The following GLYATL2 variants were observed in gnomAD, a reference collection of about 807,000 sequenced individuals.
The protein encoded by GLYATL2 is glycine N-acyltransferase-like protein 2.
GLYATL2 carries 25 observed loss-of-function variants against 21.4 expected under a neutral mutation model. The ratio of observed to expected loss-of-function variants is 1.17; its 90% CI spans 0.85 to 1.63. GLYATL2 has a LOEUF of 1.63. GLYATL2 is among the 40% of genes most tolerant of loss of function. GLYATL2 has a pLI of 0.00. For missense variants in GLYATL2, 361 were observed against 343.3 expected (o/e 1.05, Z -0.41); for synonymous variants, 114 against 118.2 (o/e 0.96, Z 0.23).
rs745546178 is a variant in GLYATL2, at chr11:58,838,331, G to A, written c.116C>T (p.Pro39Leu). The A allele has an allele frequency of 6.2e-7, 1 of 1,613,196 alleles. No individual in the cohort carries two copies. The highest frequency in any genetic ancestry group is 8.5e-7 in the Non-Finnish European group (1 of 1,179,356). The change falls in exon 3 of 6, where the codon CCT becomes CTT. Residue 39 changes from proline (P) to leucine (L), a missense_variant. Pro to Leu is a moderately conservative substitution (Grantham distance 98, BLOSUM62 -3). Transcript: ENST00000287275. ...GAIFNIKDKN[P>L]FNMEVLVDAW... ...ATCTACCAGCACCTCCATGTTGAAAGGGTTTTTATCTTTTATGTTGAAAAT... is the reference window on the plus strand; with the variant it reads ...ATCTACCAGCACCTCCATGTTGAAAAGGTTTTTATCTTTTATGTTGAAAAT...
intron 1 of GLYATL2, among the ~76,000 whole-genome samples, chr11:58,866,585 C>T (rs1854026726): frequency 6.7e-6 from 1 of 148,806 alleles, no homozygotes; most frequent in African/African-American, 2.4e-5. Context: ...AATCCTAGGT[C>T]CCAGTGTCCA....
chr11:58,867,089 G>A lies in GLYATL2; in HGVS notation n.61-28721C>T, dbSNP rs775313314. On this transcript the variant is annotated intron_variant and non_coding_transcript_variant, in intron 1 of 4. Coordinates refer to the GLYATL2 transcript ENST00000533636. ...GCCTCCCACAGACACTCAGCCATGC[G>A]GTTCCCATTCCCTGCCATGAGCAAG... Among the ~76,000 whole-genome samples the A allele has an allele frequency of 1.5e-4, 23 of 148,960 alleles. 2 individuals are homozygous for A. Among genetic ancestry groups the A allele is most frequent in the African/African-American group, 5.6e-4 (23 of 41,216 alleles).
At chr11:58,900,502 CG>C (rs1464403000) in intron 1 of GLYATL2, among the ~76,000 whole-genome samples, 2 of 152,180 alleles carry the variant, frequency 1.3e-5, no homozygotes, top group East Asian at 3.9e-4. Flanking sequence ...GGCAGCTCCC[CG>C]CTGTCAGCAC....
chr11:58,858,410 T>C (rs1409465852), intron 1 of GLYATL2, among the ~76,000 whole-genome samples: 1 of 152,150 alleles, frequency 6.6e-6, no homozygotes, highest in Non-Finnish European at 1.5e-5. Flanking sequence ...ATTTAGATAA[T>C]GCTTTGTTAT....
At chr11:58,850,620 A>AGATG (rs1185840657) in intron 1 of GLYATL2, among the ~76,000 whole-genome samples, 111 of 152,260 alleles carry the variant, frequency 7.3e-4, no homozygotes, top group African/African-American at 2.5e-3. Context: ...CAGGGCCACT[A>AGATG]GATGGCTCCT....
At chr11:58,897,514 C>T (rs1854654767) in intron 1 of GLYATL2, among the ~76,000 whole-genome samples, 2 of 152,148 alleles carry the variant, frequency 1.3e-5, no homozygotes, top group Non-Finnish European at 2.9e-5. Context: ...CCACTAGCAG[C>T]CATCTCCAAA....
upstream of GLYATL2, among the ~76,000 whole-genome samples, chr11:58,849,375 C>G (rs890157053): frequency 3.3e-5 from 5 of 152,114 alleles, no homozygotes; most frequent in Non-Finnish European, 5.9e-5. Flanking sequence ...CTACCTTGGC[C>G]TCCCAAAGTG....
At chr11:58,875,607 A>G (rs996512731) in intron 1 of GLYATL2, among the ~76,000 whole-genome samples, 19 of 152,148 alleles carry the variant, frequency 1.2e-4, no homozygotes, top group Admixed American at 5.2e-4. Context: ...TAAGAATGTT[A>G]AATATTGGCC....
chr11:58,837,121 G>T lies in GLYATL2; in HGVS notation c.370C>A (p.Gln124Lys). 6.2e-7 allele frequency: 1 copy of T among 1,613,872 alleles called. No individual in the cohort carries two copies. Among genetic ancestry groups the T allele is most frequent in the Non-Finnish European group, 8.5e-7 (1 of 1,179,836 alleles). The part of the protein sequence containing the change: ...IRKVATSKSV[Q>K]VDYMKTILFI... ...AGGATGGTTTTCATGTAATCTACCT[G>T]CACTGATTTTGAAGTTGCAACCTTT... is the stretch of plus-strand genomic sequence containing the variant. The change falls in exon 5 of 6, where the codon CAG becomes AAG. Residue 124 changes from glutamine to lysine, a missense_variant. By Grantham distance (53) the Gln-to-Lys change is moderately conservative. Coordinates refer to ENST00000287275, the MANE Select transcript of GLYATL2 (RefSeq NM_145016.4).
At chr11:58,909,615 A>G in the GLYATL2 span, among the ~76,000 whole-genome samples, 1 of 152,206 alleles carries the variant, frequency 6.6e-6, no homozygotes, top group Non-Finnish European at 1.5e-5. Context: ...TGGCCTGAAT[A>G]AAGTCATGTA....
At chr11:58,871,797 C>T (rs1265700248) in intron 1 of GLYATL2, among the ~76,000 whole-genome samples, 1 of 151,980 alleles carries the variant, frequency 6.6e-6, no homozygotes, top group African/African-American at 2.4e-5. Flanking sequence ...GGGTATATAC[C>T]CAGTAATGGG....
rs566012959 is a variant in GLYATL2, at chr11:58,861,118, G to C, written n.61-22750C>G. On this transcript the variant is annotated intron_variant and non_coding_transcript_variant, in intron 1 of 4. Transcript: ENST00000533636. ...ACAACAACTTTGTAAAATAACTTTGGAAGTATTCCCTCTTGTTCGATTTCT... is the reference window on the plus strand; with the variant it reads ...ACAACAACTTTGTAAAATAACTTTGCAAGTATTCCCTCTTGTTCGATTTCT... Among the ~76,000 whole-genome samples the C allele has an allele frequency of 1.6e-4, 25 of 152,080 alleles. No individual in the cohort carries two copies. In the South Asian group the frequency reaches 5.0e-3, roughly 30 times the overall value.
At chr11:58,847,865 A>G (rs1853670777), upstream of GLYATL2, among the ~76,000 whole-genome samples, 1 of 152,148 alleles carries the variant, frequency 6.6e-6, no homozygotes, top group South Asian at 2.1e-4. Flanking sequence ...GAGTGATTAC[A>G]GCAGGCCTTG....
intron 1 of GLYATL2, among the ~76,000 whole-genome samples, chr11:58,899,285 T>C (rs553082653): frequency 6.6e-6 from 1 of 152,170 alleles, no homozygotes; most frequent in African/African-American, 2.4e-5. Flanking sequence ...TTTCAGGATG[T>C]ACAGGGCAAA....
intron 1 of GLYATL2, among the ~76,000 whole-genome samples, chr11:58,876,317 G>C (rs1854231553): frequency 6.6e-6 from 1 of 152,190 alleles, no homozygotes; most frequent in Non-Finnish European, 1.5e-5. Flanking sequence ...GTCCAGCTTT[G>C]TCCCATTGCT....
intron 1 of GLYATL2, among the ~76,000 whole-genome samples, chr11:58,900,843 CA>C (rs1854725529): frequency 1.3e-5 from 2 of 150,812 alleles, no homozygotes; most frequent in Non-Finnish European, 2.9e-5. Context: ...CATTGGCTTT[CA>C]TTGATGTCAA....
intron 1 of GLYATL2, among the ~76,000 whole-genome samples, chr11:58,900,797 G>A (rs2187268): frequency 0.78 from 117,368 of 150,136 alleles, 46,423 homozygotes; most frequent in Non-Finnish European, 0.87. Context: ...TGGGAAGCTT[G>A]GGGGGGTGGT....
intron 1 of GLYATL2, among the ~76,000 whole-genome samples, chr11:58,843,268 T>C (rs1302306306): frequency 6.6e-6 from 1 of 152,072 alleles, no homozygotes; most frequent in Non-Finnish European, 1.5e-5. Context: ...TAGCAGTAAG[T>C]GGGTGAGGGA....
At chr11:58,870,141 C>A (rs1055658577) in intron 1 of GLYATL2, among the ~76,000 whole-genome samples, 27 of 152,006 alleles carry the variant, frequency 1.8e-4, no homozygotes, top group East Asian at 7.7e-4. Context: ...GACAATGGGG[C>A]ACAGGAGCAT....
Sources: gnomAD v4.1 joint callset for allele counts (sites outside exome capture counted in the v4.1 genomes callset) on GRCh38, gnomAD v4.1.1 for gene constraint, MANE v1.5 for transcripts, NCBI Gene and HGNC (gene_info 2026-07-23, HGNC 2026-07-21) for gene names.